The following BRIP1 variants were observed in gnomAD, a reference collection of about 807,000 sequenced individuals.
The protein encoded by BRIP1 is BRCA1 interacting DNA helicase 1, also known as Fanconi anemia group J protein.
A neutral mutation model predicts 119.7 loss-of-function variants in BRIP1; 88 were observed. The observed-to-expected ratio is 0.74, with a 90% confidence interval of 0.62 to 0.88. BRIP1 has a LOEUF of 0.88. Ranked by LOEUF, BRIP1 falls within the 40% of genes least tolerant of loss-of-function variation. BRIP1 has a pLI of 0.00. For synonymous variants in BRIP1, 443 were observed against 496.5 expected (o/e 0.89, Z 1.43); for missense variants, 1,259 against 1,455.4 (o/e 0.87, Z 2.20).
chr17:61,694,007 G>A (rs2061488546), intron 17 of BRIP1, among the ~76,000 whole-genome samples: 1 of 151,940 alleles, frequency 6.6e-6, no homozygotes, highest in Admixed American at 6.6e-5. Flanking sequence ...AATCATCCTT[G>A]CATTCCTAGT....
In BRIP1 at chr17:61,715,871, T is replaced by C. The variant is rs9901948; in HGVS notation, c.2492+80A>G. ...AAATAAAATTTTACCAAGTTTATTATAAAGAGTAAAGTAGCAAGACTAGAT... is the reference window on the plus strand; with the variant it reads ...AAATAAAATTTTACCAAGTTTATTACAAAGAGTAAAGTAGCAAGACTAGAT... On this transcript the variant is annotated intron_variant, in intron 17 of 19. Coordinates refer to ENST00000259008, the MANE Select transcript of BRIP1 (RefSeq NM_032043.3). The C allele has an allele frequency of 9.9e-3, 9,099 of 920,286 alleles. 617 individuals carry two copies. The African/African-American group carries it at 0.14, about 14-fold the overall frequency. The allele number at this position is 920,286 out of a possible 1,614,324, so 57.0% of individuals were successfully genotyped here.
Position 61,808,341 on chromosome 17 carries a change from C to T in BRIP1, c.918+126G>A. On this transcript the variant is annotated intron_variant, in intron 7 of 19. Transcript: ENST00000259008. This position sits in a 1 kb window ranked among gnomAD's most constrained non-coding sequence, Gnocchi z 4.1. Reference sequence around the variant, plus strand: ...AGGAAAATTGTTTTTTAAAAGATATCAATACTAGCAGTTAATTTGATTTTC... The same window carrying T: ...AGGAAAATTGTTTTTTAAAAGATATTAATACTAGCAGTTAATTTGATTTTC... 3 of 960,076 alleles carry T rather than the reference C, an allele frequency of 3.1e-6. No homozygotes were observed. Among genetic ancestry groups the T allele is most frequent in the Non-Finnish European group, 4.7e-6 (3 of 632,590 alleles). The allele number at this position is 960,076 out of a possible 1,614,324, so 59.5% of individuals were successfully genotyped here.
intron 11 of BRIP1, 50 bp from the exon 12 acceptor site, chr17:61,781,055 G>T: frequency 1.3e-6 from 2 of 1,561,184 alleles, no homozygotes; most frequent in South Asian, 2.2e-5. Context: ...TAAAACCTAT[G>T]ACCCAGCTAC....
At position 61,806,694 on chromosome 17, in the gene BRIP1, T is replaced by TTTGG. The variant is rs71355196; in HGVS notation, c.918+1769_918+1772dup. ...CCAATGTATTTTACCAATGTATGTT[T>TTTGG]TTGGTTGGTTGGTTGTTTTTGAGAC... On this transcript the variant is annotated intron_variant, in intron 7 of 19. Transcript: ENST00000259008. This position sits in a 1 kb window ranked among gnomAD's most constrained non-coding sequence, Gnocchi z 4.9. Among the ~76,000 whole-genome samples, 120,181 of 151,362 alleles carry TTTGG rather than the reference T, an allele frequency of 0.79. 48,364 individuals are homozygous for TTTGG. The highest frequency in any genetic ancestry group is 0.9 in the African/African-American group (37,135 of 41,288).
At position 61,706,077 on chromosome 17, in the gene BRIP1, AT is replaced by A. The variant is rs1409722460; in HGVS notation, c.2492+9873del. On this transcript the variant is annotated intron_variant, in intron 17 of 19. Transcript: ENST00000259008. The surrounding 1 kb of genome is among the most constrained non-coding windows in gnomAD (Gnocchi z 5.7). ...AGATCTGTCAGTTTTTGCTTCATGT[AT>A]TTTGAAACCCTGTTTTGGGGTGCAT... is the stretch of plus-strand genomic sequence containing the variant. Among the ~76,000 whole-genome samples the A allele has an allele frequency of 3.3e-5, 5 of 151,968 alleles. No individual in the cohort carries two copies. Among genetic ancestry groups the A allele is most frequent in the Admixed American group, 3.3e-4 (5 of 15,270 alleles).
Position 61,834,894 on chromosome 17 carries a change from C to T in BRIP1, c.627+12207G>A, listed in dbSNP as rs2078547907. Among the ~76,000 whole-genome samples, 1 of 152,108 alleles carries T rather than the reference C, an allele frequency of 6.6e-6. No individual in the cohort carries two copies. Among genetic ancestry groups the T allele is most frequent in the Non-Finnish European group, 1.5e-5 (1 of 68,022 alleles). ...CACCTGAGATCAGCAGAAGAAATGC[C>T]CAGCTGAGCCCACCCTAAATTGCTG... On this transcript the variant is annotated intron_variant, in intron 6 of 19. Transcript: ENST00000259008. The surrounding 1 kb of genome is among the most constrained non-coding windows in gnomAD (Gnocchi z 4.4).
intron 17 of BRIP1, among the ~76,000 whole-genome samples, chr17:61,714,925 C>A (rs1264651103): frequency 6.6e-6 from 1 of 151,704 alleles, no homozygotes; most frequent in Non-Finnish European, 1.5e-5. Flanking sequence ...CCTCAGCCTC[C>A]CGAGTAGCTC....
intron 6 of BRIP1, among the ~76,000 whole-genome samples, chr17:61,811,432 A>G (rs1022301546): frequency 1.3e-5 from 2 of 151,710 alleles, no homozygotes; most frequent in African/African-American, 4.8e-5. Context: ...CATGTTGGTC[A>G]AGCTGGTCTC....
At position 61,803,691 on chromosome 17, in the gene BRIP1, T is replaced by A. The variant is rs1472014337; in HGVS notation, c.919-2217A>T. Among the ~76,000 whole-genome samples the A allele has an allele frequency of 6.6e-6, 1 of 152,110 alleles. No homozygotes were observed. The highest frequency in any genetic ancestry group is 1.5e-5 in the Non-Finnish European group (1 of 68,000). ...TTTGATAAAACCCAGCCCTAACAAG[T>A]GTCTCATATACTATTAAAAATGTAC... is the stretch of plus-strand genomic sequence containing the variant. On this transcript the variant is annotated intron_variant, in intron 7 of 19. Coordinates refer to ENST00000259008, the MANE Select transcript of BRIP1 (RefSeq NM_032043.3). This position sits in a 1 kb window ranked among gnomAD's most constrained non-coding sequence, Gnocchi z 4.3.
rs1241193378 is a variant in BRIP1, at chr17:61,776,638, A to G, written c.1936-76T>C. ...AATTAGTATTTATTTGGAAGTATGT[A>G]CATAAAAGATCAAGCAACAAGTTTA... On this transcript the variant is annotated intron_variant, in intron 13 of 19. Coordinates refer to ENST00000259008, the MANE Select transcript of BRIP1 (RefSeq NM_032043.3). This position sits in a 1 kb window ranked among gnomAD's most constrained non-coding sequence, Gnocchi z 5.0. 1.5e-5 allele frequency: 22 copies of G among 1,463,196 alleles called. No homozygotes were observed. The highest frequency in any genetic ancestry group is 9.6e-7 in the Non-Finnish European group (1 of 1,046,506). 90.6% of individuals were successfully genotyped at this position (1,463,196 alleles called of 1,614,324 possible).
In BRIP1 at chr17:61,793,687, A is replaced by G. The variant is rs587780875; in HGVS notation, c.1383T>C (p.Tyr461=). 6.2e-6 allele frequency: 10 copies of G among 1,610,654 alleles called. No individual in the cohort carries two copies. Among genetic ancestry groups the G allele is most frequent in the Non-Finnish European group, 8.5e-6 (10 of 1,178,340 alleles). ...CACTCCATATTTTACAAGCTGATTC[A>G]TAATCTCTTTCTACAAGATATTCAG... ...ANAEYLVERD[Y]ESACKIWSGN... is the part of the protein sequence containing the mutation. The change falls in exon 10 of 20, where the codon TAT becomes TAC. Residue 461 remains tyrosine (Y), a synonymous_variant. Coordinates refer to ENST00000259008, the MANE Select transcript of BRIP1 (RefSeq NM_032043.3). This position sits in a 1 kb window ranked among gnomAD's most constrained non-coding sequence, Gnocchi z 5.2.
At chr17:61,811,711 G>A (rs2078164751) in intron 6 of BRIP1, among the ~76,000 whole-genome samples, 1 of 151,712 alleles carries the variant, frequency 6.6e-6, no homozygotes, top group Admixed American at 6.6e-5. Flanking sequence ...CAGCACTCTG[G>A]GAGGCCGAGG....
At position 61,680,497 on chromosome 17, in the gene BRIP1, T is replaced by TTTTTG. The variant is rs2061256934; in HGVS notation, c.*2798_*2799insCAAAA. ...GGTAATTTCTTTTTTTTTTTTTTTT[T>TTTTTG]GAGACGGAGTCCCGCTCTGTCGCCC... On this transcript the variant is annotated 3_prime_UTR_variant, in exon 20 of 20. Transcript: ENST00000259008. Among the ~76,000 whole-genome samples, 1 of 148,840 alleles carries TTTTTG rather than the reference T, an allele frequency of 6.7e-6. No individual in the cohort carries two copies. The highest frequency in any genetic ancestry group is 1.5e-5 in the Non-Finnish European group (1 of 67,184).
intron 6 of BRIP1, among the ~76,000 whole-genome samples, chr17:61,840,534 TG>T (rs1261190941): frequency 2.0e-5 from 3 of 152,124 alleles, no homozygotes; most frequent in African/African-American, 7.2e-5. Context: ...CCTGGCATTT[TG>T]GGAGGCCAAG....
At chr17:61,765,384 TATATATATATATATATATATATA>T (rs2077342939) in intron 14 of BRIP1, among the ~76,000 whole-genome samples, 1 of 21,978 alleles carries the variant, frequency 4.6e-5, no homozygotes, top group African/African-American at 1.8e-4. Context: ...ATATATTATA[TATATATATATATATATATATATA>T]TATATATATA....
At position 61,796,726 on chromosome 17, in the gene BRIP1, C is replaced by G. The variant is rs1337674384; in HGVS notation, c.1340+2374G>C. On this transcript the variant is annotated intron_variant, in intron 9 of 19. Coordinates refer to ENST00000259008, the MANE Select transcript of BRIP1 (RefSeq NM_032043.3). This position sits in a 1 kb window ranked among gnomAD's most constrained non-coding sequence, Gnocchi z 4.8. The stretch of plus-strand genomic sequence containing the variant: ...CATGTTTAAAAAATGATTCTAGCTA[C>G]CAAGCTAGAATTGATTACTGGAGAA... Among the ~76,000 whole-genome samples the G allele has an allele frequency of 6.6e-6, 1 of 151,864 alleles. No individual in the cohort carries two copies. Among genetic ancestry groups the G allele is most frequent in the Non-Finnish European group, 1.5e-5 (1 of 67,930 alleles).
chr17:61,817,545 A>G (rs1416282182), intron 6 of BRIP1, among the ~76,000 whole-genome samples: 1 of 152,260 alleles, frequency 6.6e-6, no homozygotes, highest in Non-Finnish European at 1.5e-5. Flanking sequence ...ATTATTACAT[A>G]CAAGTCTCTA....
At position 61,825,580 on chromosome 17, in the gene BRIP1, C is replaced by T. The variant is rs1367385236; in HGVS notation, c.628-16823G>A. ...TTCCAATTCACCATCAACTGTCAAGCTGAGAGCCAAATCAGGAATGCAATC... is the reference window on the plus strand; with the variant it reads ...TTCCAATTCACCATCAACTGTCAAGTTGAGAGCCAAATCAGGAATGCAATC... On this transcript the variant is annotated intron_variant, in intron 6 of 19. Coordinates refer to ENST00000259008, the MANE Select transcript of BRIP1 (RefSeq NM_032043.3). This position sits in a 1 kb window ranked among gnomAD's most constrained non-coding sequence, Gnocchi z 4.1. Among the ~76,000 whole-genome samples, 1 of 151,216 alleles carries T rather than the reference C, an allele frequency of 6.6e-6. No individual in the cohort carries two copies. Among genetic ancestry groups the T allele is most frequent in the African/African-American group, 2.4e-5 (1 of 41,200 alleles).
chr17:61,793,567 T>C lies in BRIP1; in HGVS notation c.1473+30A>G. On this transcript the variant is annotated intron_variant, in intron 10 of 19. Transcript: ENST00000259008. The surrounding 1 kb of genome is among the most constrained non-coding windows in gnomAD (Gnocchi z 5.2). ...ACTAAATCACTTCTAATTCACTAAA[T>C]ACGTTTCACAGGTAGAAAAAATATC... 1 of 1,585,350 alleles carries C rather than the reference T, an allele frequency of 6.3e-7. No homozygotes were observed. The highest frequency in any genetic ancestry group is 8.6e-7 in the Non-Finnish European group (1 of 1,162,176).
Sources: gnomAD v4.1 joint callset for allele counts (sites outside exome capture counted in the v4.1 genomes callset) on GRCh38, gnomAD v4.1.1 for gene constraint, Gnocchi (gnomAD v3.1) non-coding constraint, MANE v1.5 for transcripts, NCBI Gene and HGNC (gene_info 2026-07-23, HGNC 2026-07-21) for gene names.